MYH16: variants seen among roughly 807,000 people sequenced by gnomAD.
MYH16 encodes putative uncharacterized protein MYH16.
intron 37 of MYH16, among the ~76,000 whole-genome samples, chr7:99,300,798 T>A (rs1792580379): frequency 6.6e-6 from 1 of 152,010 alleles, no homozygotes; most frequent in South Asian, 2.1e-4. Context: ...AGAGACCCTG[T>A]CTCAAAAACA....
chr7:99,276,813 C>G (rs1298554869), intron 20 of MYH16, among the ~76,000 whole-genome samples: 1 of 151,776 alleles, frequency 6.6e-6, no homozygotes, highest in East Asian at 1.9e-4. Flanking sequence ...TGGAGAGAGA[C>G]ACACACACAT....
chr7:99,291,255 G>A, intron 30 of MYH16, 68 bp from the exon 12 acceptor site: 1 of 439,468 alleles, frequency 2.3e-6, no homozygotes, highest in Admixed American at 2.5e-5. Flanking sequence ...CAATGCCCTG[G>A]GGAACTTTGG....
rs114209130 is a variant in MYH16, at chr7:99,297,765, T to G, written n.4605T>G. 3.8e-3 allele frequency: 1,732 copies of G among 456,666 alleles called. 21 individuals are homozygous for G. The highest frequency in any genetic ancestry group is 0.028 in the African/African-American group (1,405 of 50,162). 28.3% of individuals were successfully genotyped at this position (456,666 alleles called of 1,614,324 possible). ...GAGATGGAAAAGGAAGAACTCCAGG[T>G]GGCCCTGGAAGAAGCTGAGTCTTCC... On this transcript the variant is annotated non_coding_transcript_exon_variant, in exon 35 of 42. Coordinates refer to ENST00000439784, the Ensembl canonical transcript of MYH16.
At chr7:99,244,069 A>G (rs1227712217) in intron 2 of MYH16, among the ~76,000 whole-genome samples, 1 of 150,456 alleles carries the variant, frequency 6.6e-6, no homozygotes, top group Non-Finnish European at 1.5e-5. Context: ...ATACGTCCAA[A>G]CATCTATCCA....
chr7:99,269,794 T>C (rs1323812483), intron 18 of MYH16, among the ~76,000 whole-genome samples: 2 of 151,976 alleles, frequency 1.3e-5, no homozygotes, highest in African/African-American at 4.8e-5. Context: ...TCCTTGCTCA[T>C]GGTCCTGTGC....
At chr7:99,292,506 C>T in exon 32 of MYH16, 1 of 464,974 alleles carries the variant, frequency 2.2e-6, no homozygotes, top group Non-Finnish European at 4.3e-6. Flanking sequence ...TGGAGGAGAC[C>T]AAGTGAGTGT....
At chr7:99,272,627 G>A (rs1456401092) in intron 19 of MYH16, among the ~76,000 whole-genome samples, 1 of 151,956 alleles carries the variant, frequency 6.6e-6, no homozygotes, top group East Asian at 1.9e-4. Context: ...CATGCCTGTA[G>A]TCCCAGCTAC....
chr7:99,244,259 G>A (rs544758448), intron 2 of MYH16, among the ~76,000 whole-genome samples: 9 of 152,306 alleles, frequency 5.9e-5, no homozygotes, highest in African/African-American at 2.2e-4. Context: ...AATGTGACTT[G>A]TAGCCTGAGG....
At chr7:99,293,752 A>C (rs1484357750) in intron 32 of MYH16, among the ~76,000 whole-genome samples, 1 of 152,222 alleles carries the variant, frequency 6.6e-6, no homozygotes, top group Non-Finnish European at 1.5e-5. Context: ...TTGTTAGGGC[A>C]GGTATCCTAG....
intron 11 of MYH16, among the ~76,000 whole-genome samples, chr7:99,259,659 T>G (rs1165021400): frequency 1.3e-5 from 2 of 151,382 alleles, no homozygotes; most frequent in Non-Finnish European, 2.9e-5. Context: ...GGTTTTACCA[T>G]GATGACCAGG....
At chr7:99,278,016 T>C (rs1395600718) in intron 21 of MYH16, among the ~76,000 whole-genome samples, 1 of 151,482 alleles carries the variant, frequency 6.6e-6, no homozygotes, top group Non-Finnish European at 1.5e-5. Flanking sequence ...TGGAGTGAAG[T>C]GGCTCGATCA....
chr7:99,285,625 G>A (rs563305622), intron 27 of MYH16, among the ~76,000 whole-genome samples, 187 bp downstream of exon 9: 15 of 152,330 alleles, frequency 9.8e-5, no homozygotes, highest in African/African-American at 2.9e-4. Context: ...TAATCATGAC[G>A]TGAAAGGCAG....
intron 38 of MYH16, 73 bp downstream of exon 19, chr7:99,301,877 G>A (rs12112936): frequency 0.28 from 43,086 of 152,572 alleles, 11,365 homozygotes; most frequent in African/African-American, 0.71. Context: ...GGGTGAGGCC[G>A]GGATGGTGCC....
At chr7:99,275,425 T>C (rs578205754) in intron 20 of MYH16, among the ~76,000 whole-genome samples, 2 of 152,130 alleles carry the variant, frequency 1.3e-5, no homozygotes, top group East Asian at 3.9e-4. Context: ...CAGCCACAAC[T>C]TTTACTTTAA....
chr7:99,309,665 T>C (rs1034295342), downstream of MYH16, among the ~76,000 whole-genome samples: 1 of 152,236 alleles, frequency 6.6e-6, no homozygotes. Context: ...CTCCTTCCAC[T>C]AGGAGTCTTA....
chr7:99,242,331 G>A (rs908244578), intron 1 of MYH16, among the ~76,000 whole-genome samples: 9 of 152,050 alleles, frequency 5.9e-5, no homozygotes, highest in African/African-American at 2.2e-4. Context: ...GAGGGAGCAG[G>A]GGAATGTCTT....
At chr7:99,258,973 G>A (rs1448090426) in intron 11 of MYH16, among the ~76,000 whole-genome samples, 3 of 152,188 alleles carry the variant, frequency 2.0e-5, no homozygotes, top group Non-Finnish European at 4.4e-5. Flanking sequence ...GAAAGGCAAA[G>A]GGGAAGCGGG....
At chr7:99,302,361 C>T (rs1435980515) in intron 38 of MYH16, among the ~76,000 whole-genome samples, 2 of 145,876 alleles carry the variant, frequency 1.4e-5, no homozygotes, top group Non-Finnish European at 3.0e-5. Flanking sequence ...CACACACACA[C>T]ACATCCCAAC....
chr7:99,239,516 C>G (rs997568840), intron 1 of MYH16, among the ~76,000 whole-genome samples: 9 of 152,266 alleles, frequency 5.9e-5, no homozygotes, highest in Admixed American at 2.0e-4. Flanking sequence ...GTTCCCAGGT[C>G]TCTTGGAGCA....
Sources: gnomAD v4.1 joint callset for allele counts (sites outside exome capture counted in the v4.1 genomes callset) on GRCh38, gnomAD v4.1.1 for gene constraint, MANE v1.5 for transcripts, NCBI Gene and HGNC (gene_info 2026-07-23, HGNC 2026-07-21) for gene names.